The following RASSF2 variants were observed in gnomAD, a reference collection of about 807,000 sequenced individuals.
RASSF2 encodes the protein ras association domain-containing protein 2.
A neutral mutation model predicts 46.3 loss-of-function variants in RASSF2; 34 were observed. The ratio of observed to expected loss-of-function variants is 0.73; its 90% confidence interval spans 0.56 to 0.98. RASSF2 has a LOEUF of 0.98. Ranked by LOEUF, RASSF2 falls within the 50% of genes least tolerant of loss-of-function variation. The pLI is 0.00. For missense variants in RASSF2, 364 were observed against 431.2 expected, an observed-to-expected ratio of 0.84 and a Z score of 1.38; for synonymous variants, 158 against 162.5, an observed-to-expected ratio of 0.97 and a Z score of 0.21.
At chr20:4,800,321 A>G (rs1028780486) in intron 3 of RASSF2, among the ~76,000 whole-genome samples, 10 of 152,116 alleles carry the variant, frequency 6.6e-5, no homozygotes, top group African/African-American at 2.4e-4. Context: ...ACTCCCTGGG[A>G]ACACAACGGA....
intron 4 of RASSF2, among the ~76,000 whole-genome samples, chr20:4,797,745 G>A (rs1362699379): frequency 6.6e-6 from 1 of 152,076 alleles, no homozygotes; most frequent in Non-Finnish European, 1.5e-5. Flanking sequence ...AGCTCCCTCT[G>A]GAGAATCTCC....
At chr20:4,796,701 C>G (rs528154172) in intron 4 of RASSF2, among the ~76,000 whole-genome samples, 1 of 152,288 alleles carries the variant, frequency 6.6e-6, no homozygotes, top group East Asian at 1.9e-4. Context: ...ATGTTCTATC[C>G]CGAAGAATTG....
intron 2 of RASSF2, among the ~76,000 whole-genome samples, chr20:4,808,319 GGTT>G: frequency 6.6e-6 from 1 of 152,172 alleles, no homozygotes; most frequent in Middle Eastern, 3.4e-3. Flanking sequence ...ACAGACTAAT[GGTT>G]GTTATGTCTT....
intron 2 of RASSF2, among the ~76,000 whole-genome samples, chr20:4,813,360 A>T (rs1035187286): frequency 1.3e-4 from 20 of 152,112 alleles, no homozygotes; most frequent in South Asian, 2.1e-4. Context: ...AGCCCGGCCC[A>T]GCCCTCCCTG....
rs1441520044 is a variant in RASSF2 at position 4,812,088 on chromosome 20, AAGG to A, written c.-33+10238_-33+10240del. Among the ~76,000 whole-genome samples the A allele has an allele frequency of 6.6e-6, 1 of 152,148 alleles. No homozygotes were observed. The highest frequency in any genetic ancestry group is 1.5e-5 in the Non-Finnish European group (1 of 68,020). Reference sequence around the variant, plus strand: ...CCCAGCCCCATTGCACCACACGAGGAAGGAGACTTGAGCTGCGGGCTGGGGCCC... The same window carrying A: ...CCCAGCCCCATTGCACCACACGAGGAAGACTTGAGCTGCGGGCTGGGGCCC... On this transcript the variant is annotated intron_variant, in intron 2 of 11. Transcript: ENST00000379400. This position sits in a 1 kb window ranked among gnomAD's most constrained non-coding sequence, Gnocchi z 4.0.
chr20:4,804,420 C>A lies in RASSF2; in HGVS notation c.-32-3358G>T, dbSNP rs1392176793. ...TGGTGCGATCTCAGCTCACTGCAACCTCTGCCTCCCAGGTTCAAGCAATTC... is the reference window on the plus strand; with the variant it reads ...TGGTGCGATCTCAGCTCACTGCAACATCTGCCTCCCAGGTTCAAGCAATTC... On this transcript the variant is annotated intron_variant, in intron 2 of 11. Coordinates refer to ENST00000379400, the MANE Select transcript of RASSF2 (RefSeq NM_014737.3). Among the ~76,000 whole-genome samples, 5 of 147,466 alleles carry A rather than the reference C, an allele frequency of 3.4e-5. No individual in the cohort carries two copies. The East Asian group carries it at 1.0e-3, about 30-fold the overall frequency.
chr20:4,801,710 T>C (rs1201608603), intron 2 of RASSF2, among the ~76,000 whole-genome samples: 3 of 152,194 alleles, frequency 2.0e-5, no homozygotes, highest in Non-Finnish European at 4.4e-5. Context: ...TCAGGATTTC[T>C]CAACCTTGGC....
At chr20:4,822,028 G>A (rs192785724) in intron 2 of RASSF2, among the ~76,000 whole-genome samples, 51 of 152,336 alleles carry the variant, frequency 3.3e-4, no homozygotes, top group African/African-American at 4.8e-4. Context: ...CAAACAACCC[G>A]ATATATCTTC....
At chr20:4,793,389 G>A (rs1267759842) in intron 5 of RASSF2, among the ~76,000 whole-genome samples, 1 of 152,168 alleles carries the variant, frequency 6.6e-6, no homozygotes, top group Non-Finnish European at 1.5e-5. Context: ...GAAGAGCATG[G>A]GCTCCCTGGG....
At chr20:4,789,547 A>C (rs746120552) in intron 8 of RASSF2, 49 bp downstream of exon 8, 1 of 1,515,572 alleles carries the variant, frequency 6.6e-7, no homozygotes, top group Non-Finnish European at 9.2e-7. Context: ...TAGGAGTCCC[A>C]AGGCACAGCT....
chr20:4,795,652 T>A lies in RASSF2; in HGVS notation c.287+163A>T, dbSNP rs6052883. 1.0e-5 allele frequency: 8 copies of A among 772,184 alleles called. No individual in the cohort carries two copies. The highest frequency in any genetic ancestry group is 1.6e-5 in the Non-Finnish European group (8 of 500,978). 47.8% of individuals were successfully genotyped at this position (772,184 alleles called of 1,614,324 possible). On this transcript the variant is annotated intron_variant, in intron 5 of 11. Coordinates refer to ENST00000379400, the MANE Select transcript of RASSF2 (RefSeq NM_014737.3). This position sits in a 1 kb window ranked among gnomAD's most constrained non-coding sequence, Gnocchi z 4.0. Reference sequence around the variant, plus strand: ...GGGGCTCAATCACAACCACATCTGCTGCTTGTTCCTCATTCCAAGGCTAAG... The same window carrying A: ...GGGGCTCAATCACAACCACATCTGCAGCTTGTTCCTCATTCCAAGGCTAAG...
At chr20:4,799,734 G>A (rs186666683) in intron 3 of RASSF2, among the ~76,000 whole-genome samples, 49 of 152,344 alleles carry the variant, frequency 3.2e-4, no homozygotes, top group Admixed American at 2.0e-3. Context: ...AGATAAGAAT[G>A]GTCAGATGTC....
At chr20:4,797,639 C>T (rs1246088434) in intron 4 of RASSF2, among the ~76,000 whole-genome samples, 1 of 152,088 alleles carries the variant, frequency 6.6e-6, no homozygotes, top group African/African-American at 2.4e-5. Context: ...AGGACTTGGG[C>T]CCAAATGTTT....
At position 4,784,298 on chromosome 20, in the gene RASSF2, A is replaced by G. The variant is rs752778039; in HGVS notation, c.956T>C (p.Ile319Thr). The part of the protein sequence containing the change: ...RLMIRQRLEE[I>T]AETPATI ...TCAGATTGTTGCTGGGGTCTCGGCT[A>G]TCTCCTCCAGCCTCTGTCGAATCAT... The change falls in exon 12 of 12, where the codon ATA becomes ACA. Residue 319 changes from isoleucine (I) to threonine (T), a missense_variant. Coordinates refer to ENST00000379400, the MANE Select transcript of RASSF2 (RefSeq NM_014737.3). 6.2e-7 allele frequency: 1 copy of G among 1,613,900 alleles called. No individual in the cohort carries two copies.
intron 3 of RASSF2, among the ~76,000 whole-genome samples, 163 bp from the exon 4 acceptor site, chr20:4,798,248 C>T (rs370772631): frequency 1.4e-4 from 22 of 152,190 alleles, no homozygotes; most frequent in African/African-American, 4.6e-4. Context: ...AGAGTTCTGC[C>T]ACCACCACCC....
In RASSF2 at chr20:4,795,977, A is replaced by C; in HGVS notation, c.136-11T>G. 6.6e-7 allele frequency: 1 copy of C among 1,507,762 alleles called. No homozygotes were observed. Among genetic ancestry groups the C allele is most frequent in the Non-Finnish European group, 8.9e-7 (1 of 1,122,136 alleles). The allele number at this position is 1,507,762 out of a possible 1,614,324, so 93.4% of individuals were successfully genotyped here. On this transcript the variant is annotated splice_polypyrimidine_tract_variant and intron_variant, in intron 4 of 11. Coordinates refer to ENST00000379400, the MANE Select transcript of RASSF2 (RefSeq NM_014737.3). The surrounding 1 kb of genome is among the most constrained non-coding windows in gnomAD (Gnocchi z 4.0). ...GAACTCGTCTTCTTCCTGCCCACAA[A>C]GCAATCAGAGTAGTGAGCCTAGAAA...
chr20:4,816,170 G>A (rs781590528), intron 2 of RASSF2, among the ~76,000 whole-genome samples: 4 of 152,114 alleles, frequency 2.6e-5, no homozygotes, highest in East Asian at 1.9e-4. Context: ...GTGTGGTGGC[G>A]TGCACCTGTA....
At chr20:4,796,672 C>A (rs1926380017) in intron 4 of RASSF2, among the ~76,000 whole-genome samples, 1 of 152,186 alleles carries the variant, frequency 6.6e-6, no homozygotes, top group South Asian at 2.1e-4. Flanking sequence ...AAATGTAAAA[C>A]CATTCTAGAG....
chr20:4,818,817 G>A (rs1172483600), intron 2 of RASSF2, among the ~76,000 whole-genome samples: 1 of 152,182 alleles, frequency 6.6e-6, no homozygotes, highest in African/African-American at 2.4e-5. Flanking sequence ...ATCATAGCCT[G>A]CTTCTAGCCA....
Sources: gnomAD v4.1 joint callset for allele counts (sites outside exome capture counted in the v4.1 genomes callset) on GRCh38, gnomAD v4.1.1 for gene constraint, Gnocchi (gnomAD v3.1) non-coding constraint, MANE v1.5 for transcripts, NCBI Gene and HGNC (gene_info 2026-07-23, HGNC 2026-07-21) for gene names.